FGFBP2: variants seen among roughly 807,000 people sequenced by gnomAD.
FGFBP2 encodes the protein fibroblast growth factor binding protein 2.
Under a neutral mutation model 7.3 loss-of-function variants are expected in FGFBP2, and 7 were observed. That is an observed-to-expected ratio of 0.96 (90% CI 0.55 to 1.81). The LOEUF is 1.81. Among genes scored for constraint, FGFBP2 ranks in the 40% most tolerant of loss-of-function variants. The pLI, the probability that FGFBP2 is intolerant of heterozygous loss-of-function variation, is 0.00. For missense variants in FGFBP2, 291 were observed against 280.1 expected (o/e 1.04, Z -0.28); for synonymous variants, 131 against 110.2 (o/e 1.19, Z -1.18).
Position 15,962,491 on chromosome 4 carries a change from C to T in FGFBP2, c.639G>A (p.Leu213=). Residue 213 remains leucine (L), a synonymous_variant, in exon 1 of 2, where the codon CTG becomes CTA. Transcript: ENST00000259989. The part of the protein sequence containing the change: ...WEHCWKPFQA[L]CAFLISFFRG ...GGAAGAAGCTGATGAGAAAGGCGCA[C>T]AGGGCCTGGAAGGGTTTCCAACAAT... The T allele has an allele frequency of 5.1e-6, 8 of 1,583,250 alleles. No individual in the cohort carries two copies. The highest frequency in any genetic ancestry group is 6.9e-6 in the Non-Finnish European group (8 of 1,162,528).
Position 15,962,594 on chromosome 4 carries a change from G to A in FGFBP2, c.536C>T (p.Thr179Ile), listed in dbSNP as rs757572447. 6.8e-6 allele frequency: 11 copies of A among 1,614,026 alleles called. No individual in the cohort carries two copies. Among genetic ancestry groups the A allele is most frequent in the South Asian group, 1.1e-5 (1 of 91,082 alleles). Residue 179 changes from threonine to isoleucine, a missense_variant, in exon 1 of 2, where the codon ACC (threonine) becomes ATC (isoleucine). Physicochemically the swap from Thr to Ile is moderately conservative, Grantham distance 89. Coordinates refer to ENST00000259989, the MANE Select transcript of FGFBP2 (RefSeq NM_031950.4). Reference sequence around the variant, plus strand: ...CTGGGTAGGTTTGGCTGTGGGTCGGGTGGTGGGTTTGGCTTTTCCCAGCTC... The same window carrying A: ...CTGGGTAGGTTTGGCTGTGGGTCGGATGGTGGGTTTGGCTTTTCCCAGCTC... ...MEELGKAKPT[T>I]RPTAKPTQPG...
chr4:15,961,066 A>G (rs2148949958), intron 1 of FGFBP2, among the ~76,000 whole-genome samples: 1 of 152,326 alleles, frequency 6.6e-6, no homozygotes, highest in African/African-American at 2.4e-5. Flanking sequence ...CAGTAGTCCT[A>G]TGCAGCTTAT....
chr4:15,962,349 C>T lies in FGFBP2; in HGVS notation c.*20+89G>A, dbSNP rs1416502630. ...TGAGACTCTGATGTGGTCGCAGCAG[C>T]TGTGAAAGTGCTAAGTGCCTCTCAC... On this transcript the variant is annotated intron_variant, in intron 1 of 1. Transcript: ENST00000259989. The T allele has an allele frequency of 3.4e-6, 4 of 1,164,176 alleles. No individual in the cohort carries two copies. The African/African-American group carries it at 6.2e-5, about 18-fold the overall frequency. The allele number at this position is 1,164,176 out of a possible 1,614,324, so 72.1% of individuals were successfully genotyped here.
In FGFBP2 at chr4:15,962,526, C is replaced by A. The variant is rs1553881878; in HGVS notation, c.604G>T (p.Ala202Ser). The A allele has an allele frequency of 1.2e-6, 2 of 1,611,390 alleles. No individual in the cohort carries two copies. Among genetic ancestry groups the A allele is most frequent in the Non-Finnish European group, 1.7e-6 (2 of 1,178,236 alleles). The change falls in exon 1 of 2, where the codon GCC (alanine) becomes TCC (serine). Residue 202 changes from alanine (A) to serine (S), a missense_variant. Ala to Ser is a moderately conservative substitution (Grantham distance 99, BLOSUM62 1). Transcript: ENST00000259989. ...PGGNEEAKKK[A>S]WEHCWKPFQA... is the part of the protein sequence containing the mutation. ...AAGGGTTTCCAACAATGTTCCCAGG[C>A]CTTCTTCTTTGCTTCCTCATTCCCT...
intron 1 of FGFBP2, among the ~76,000 whole-genome samples, chr4:15,961,128 A>G (rs1459535522): frequency 6.6e-6 from 1 of 152,208 alleles, no homozygotes; most frequent in Non-Finnish European, 1.5e-5. Context: ...GCATCTGTAT[A>G]TACGCTGTAC....
chr4:15,961,489 C>T (rs1240451299), intron 1 of FGFBP2, among the ~76,000 whole-genome samples: 1 of 152,132 alleles, frequency 6.6e-6, no homozygotes, highest in Non-Finnish European at 1.5e-5. Context: ...GCTGCCTGGG[C>T]GCTTGTAGAA....
chr4:15,963,014 C>T lies in FGFBP2; in HGVS notation c.116G>A (p.Gly39Glu), dbSNP rs1018096009. ...TGEEFHFQTG[G>E]RDSCTMRPSS... ...GGGACGCATAGTGCAGGAATCTCTC[C>T]CTCCAGTCTGGAAATGGAATTCCTC... The change falls in exon 1 of 2, where the codon GGG becomes GAG. Residue 39 changes from glycine to glutamate, a missense_variant. By Grantham distance (98) the Gly-to-Glu change is moderately conservative. Coordinates refer to ENST00000259989, the MANE Select transcript of FGFBP2 (RefSeq NM_031950.4). 2.5e-6 allele frequency: 4 copies of T among 1,614,182 alleles called. No homozygotes were observed. The highest frequency in any genetic ancestry group is 3.4e-6 in the Non-Finnish European group (4 of 1,180,026).
rs1018096009 is a variant in FGFBP2 at position 15,963,014 on chromosome 4, C to A, written c.116G>T (p.Gly39Val). The change falls in exon 1 of 2, where the codon GGG becomes GTG. Residue 39 changes from glycine (G) to valine (V), a missense_variant. Transcript: ENST00000259989. ...TGEEFHFQTG[G>V]RDSCTMRPSS... The stretch of plus-strand genomic sequence containing the variant: ...GGGACGCATAGTGCAGGAATCTCTC[C>A]CTCCAGTCTGGAAATGGAATTCCTC... 8.1e-6 allele frequency: 13 copies of A among 1,614,064 alleles called. No homozygotes were observed. The highest frequency in any genetic ancestry group is 1.1e-5 in the Non-Finnish European group (13 of 1,180,034).
chr4:15,961,484 C>G (rs1236235334), intron 1 of FGFBP2, among the ~76,000 whole-genome samples: 1 of 152,162 alleles, frequency 6.6e-6, no homozygotes, highest in Admixed American at 6.5e-5. Flanking sequence ...TTCTTGCTGC[C>G]TGGGCGCTTG....
chr4:15,961,540 G>A (rs1412199000), intron 1 of FGFBP2, among the ~76,000 whole-genome samples: 4 of 152,088 alleles, frequency 2.6e-5, no homozygotes, highest in Admixed American at 1.3e-4. Context: ...TCAAAGTGCT[G>A]TTTATCAGGA....
rs1458051644 is a variant in FGFBP2, at chr4:15,963,147, C to T, written c.-18G>A. ...AACTTCATGGCGATACTCCGATAAA[C>T]TTGCTTGCAACTCTGCACCAGGAGA... On this transcript the variant is annotated 5_prime_UTR_variant, in exon 1 of 2. Coordinates refer to ENST00000259989, the MANE Select transcript of FGFBP2 (RefSeq NM_031950.4). 6.4e-7 allele frequency: 1 copy of T among 1,566,044 alleles called. No homozygotes were observed. The highest frequency in any genetic ancestry group is 1.8e-5 in the Admixed American group (1 of 55,510).
chr4:15,962,648 G>T lies in FGFBP2; in HGVS notation c.482C>A (p.Ala161Glu), dbSNP rs769258494. The change falls in exon 1 of 2, where the codon GCA becomes GAA. Residue 161 changes from alanine to glutamate, a missense_variant. Coordinates refer to ENST00000259989, the MANE Select transcript of FGFBP2 (RefSeq NM_031950.4). ...RPKATVKLTEATQLGKDSMEE... is the reference protein window; with the variant it reads ...RPKATVKLTEETQLGKDSMEE... Reference sequence around the variant, plus strand: ...CATCGAGTCCTTTCCCAGCTGTGTTGCTTCTGTGAGTTTCACTGTGGCCTT... The same window carrying T: ...CATCGAGTCCTTTCCCAGCTGTGTTTCTTCTGTGAGTTTCACTGTGGCCTT... 3 of 1,614,172 alleles carry T rather than the reference G, an allele frequency of 1.9e-6. No individual in the cohort carries two copies. The highest frequency in any genetic ancestry group is 2.5e-6 in the Non-Finnish European group (3 of 1,180,032).
chr4:15,962,705 T>C lies in FGFBP2; in HGVS notation c.425A>G (p.Gln142Arg). 6.2e-7 allele frequency: 1 copy of C among 1,614,098 alleles called. No homozygotes were observed. Among genetic ancestry groups the C allele is most frequent in the Non-Finnish European group, 8.5e-7 (1 of 1,180,034 alleles). Residue 142 changes from glutamine (Q) to arginine (R), a missense_variant, in exon 1 of 2, where the codon CAG becomes CGG. Physicochemically the swap from Gln to Arg is conservative, Grantham distance 43. Transcript: ENST00000259989. ...CAGAGATGGCGTCCCAGCCTCAGGC[T>C]GCTGGTTGGGCTCTGGGCTGCCCTT... ...SLKGSPEPNQ[Q>R]PEAGTPSLRP...
chr4:15,961,678 A>G (rs946620821), intron 1 of FGFBP2, among the ~76,000 whole-genome samples: 1 of 152,246 alleles, frequency 6.6e-6, no homozygotes, highest in African/African-American at 2.4e-5. Flanking sequence ...GGTGTGCAAA[A>G]TTAATGAAAG....
At chr4:15,961,284 A>AGAAAT (rs1437682207) in intron 1 of FGFBP2, among the ~76,000 whole-genome samples, 109 of 152,134 alleles carry the variant, frequency 7.2e-4, no homozygotes, top group African/African-American at 2.5e-3. Context: ...AATGATTTGT[A>AGAAAT]TGTCTTATTT....
intron 1 of FGFBP2, among the ~76,000 whole-genome samples, 169 bp downstream of exon 1, chr4:15,962,269 C>T (rs910893537): frequency 1.3e-5 from 2 of 152,070 alleles, no homozygotes; most frequent in Non-Finnish European, 2.9e-5. Flanking sequence ...GGATGAACTA[C>T]CTCATCTACA....
chr4:15,962,998 AG>A lies in FGFBP2; in HGVS notation c.131del (p.Thr44IlefsTer56). 1 of 1,614,078 alleles carries A rather than the reference AG, an allele frequency of 6.2e-7. No homozygotes were observed. Among genetic ancestry groups the A allele is most frequent in the Non-Finnish European group, 8.5e-7 (1 of 1,180,008 alleles). ...HFQTGGRDSC[T>X]MRPSSLGQGA... ...CTTGCCCCAAGCTGCTGGGACGCAT[AG>A]TGCAGGAATCTCTCCCTCCAGTCTG... On this transcript the variant is annotated frameshift_variant, in exon 1 of 2. Coordinates refer to ENST00000259989, the MANE Select transcript of FGFBP2 (RefSeq NM_031950.4). LOFTEE classifies it high-confidence loss of function.
At chr4:15,962,266 C>G (rs1485574202) in intron 1 of FGFBP2, among the ~76,000 whole-genome samples, 172 bp downstream of exon 1, 1 of 151,972 alleles carries the variant, frequency 6.6e-6, no homozygotes, top group Non-Finnish European at 1.5e-5. Context: ...TCCGGATGAA[C>G]TACCTCATCT....
Position 15,962,971 on chromosome 4 carries a change from A to C in FGFBP2, c.159T>G (p.Gly53=), listed in dbSNP as rs201121465. The change falls in exon 1 of 2, where the codon GGT becomes GGG. Residue 53 remains glycine (G), a synonymous_variant. Coordinates refer to ENST00000259989, the MANE Select transcript of FGFBP2 (RefSeq NM_031950.4). ...CTMRPSSLGQ[G]AGEVWLRVDC... ...CGACACGAAGCCAGACTTCTCCAGC[A>C]CCTTGCCCCAAGCTGCTGGGACGCA... 18 of 1,613,292 alleles carry C rather than the reference A, an allele frequency of 1.1e-5. No homozygotes were observed. Among genetic ancestry groups the C allele is most frequent in the Admixed American group, 1.0e-4 (6 of 60,014 alleles).
Sources: allele counts gnomAD v4.1 joint callset (sites outside exome capture counted in the v4.1 genomes callset), GRCh38; gene constraint gnomAD v4.1.1; transcripts MANE v1.5; gene names NCBI Gene and HGNC (gene_info 2026-07-23, HGNC 2026-07-21).